Variants in BRINP1 observed in about 807,000 individuals in gnomAD.
BRINP1 encodes the protein BMP/retinoic acid inducible neural specific 1.
In BRINP1, 17 loss-of-function variants were observed where a neutral mutation model predicts 72.9. That is an observed-to-expected ratio of 0.23 (90% CI 0.16 to 0.35). The LOEUF (loss-of-function observed/expected upper bound fraction) is 0.35, where lower values mean the gene tolerates loss of function less well. Ranked by LOEUF, BRINP1 falls within the 10% of genes least tolerant of loss-of-function variation. The probability of loss-of-function intolerance (pLI) is 1.00; values close to 1 mark genes in which losing one functional copy is unlikely to be tolerated. For synonymous variants in BRINP1, 418 were observed against 378.5 expected (o/e 1.10, Z -1.21); for missense variants, 850 against 1,001.6 (o/e 0.85, Z 2.04).
At chr9:119,367,216 TG>T (rs1419757937) in intron 1 of BRINP1, among the ~76,000 whole-genome samples, 4 of 29,158 alleles carry the variant, frequency 1.4e-4, no homozygotes, top group Non-Finnish European at 1.6e-4. Context: ...TGTGTGTGTG[TG>T]ATTGATATAT....
intron 1 of BRINP1, among the ~76,000 whole-genome samples, chr9:119,365,702 G>T (rs772727522): frequency 6.6e-6 from 1 of 152,042 alleles, no homozygotes; most frequent in Non-Finnish European, 1.5e-5. Flanking sequence ...ATCAGGGGAG[G>T]GTGTTTTTAC....
At chr9:119,240,632 T>C (rs1234184843) in intron 4 of BRINP1, among the ~76,000 whole-genome samples, 1 of 152,152 alleles carries the variant, frequency 6.6e-6, no homozygotes, top group Admixed American at 6.5e-5. Flanking sequence ...CTGTGCTGAG[T>C]TCCCTAACAA....
intron 6 of BRINP1, among the ~76,000 whole-genome samples, chr9:119,212,063 C>T (rs1233373581): frequency 6.6e-6 from 1 of 152,032 alleles, no homozygotes; most frequent in Non-Finnish European, 1.5e-5. Flanking sequence ...TTATCAAATG[C>T]TTCCTTTGTT....
intron 1 of BRINP1, among the ~76,000 whole-genome samples, chr9:119,321,600 C>T (rs1024844394): frequency 6.6e-6 from 1 of 152,150 alleles, no homozygotes; most frequent in South Asian, 2.1e-4. Flanking sequence ...TCAGCCTCCC[C>T]ACTAGCTGGG....
intron 2 of BRINP1, among the ~76,000 whole-genome samples, chr9:119,309,557 T>A (rs1385242712): frequency 6.6e-6 from 1 of 152,176 alleles, no homozygotes; most frequent in East Asian, 1.9e-4. Context: ...GTTACTTTGT[T>A]AGAATGATGA....
At chr9:119,201,571 C>A (rs1461489794) in intron 7 of BRINP1, among the ~76,000 whole-genome samples, 1 of 152,188 alleles carries the variant, frequency 6.6e-6, no homozygotes, top group Non-Finnish European at 1.5e-5. Context: ...ACCTGTACCT[C>A]ACCTCTGCAA....
intron 1 of BRINP1, among the ~76,000 whole-genome samples, chr9:119,322,563 C>G (rs1831199315): frequency 6.6e-6 from 1 of 152,212 alleles, no homozygotes. Context: ...GCATGGATTG[C>G]TGGGCCATGA....
intron 2 of BRINP1, among the ~76,000 whole-genome samples, chr9:119,253,354 C>G (rs368168530): frequency 1.3e-5 from 2 of 152,230 alleles, no homozygotes; most frequent in African/African-American, 4.8e-5. Flanking sequence ...TGCAATCAAA[C>G]TAAGTGCCAA....
Position 119,276,484 on chromosome 9 carries a change from C to T in BRINP1, c.219-27334G>A, listed in dbSNP as rs558766690. Among the ~76,000 whole-genome samples, 3 of 152,190 alleles carry T rather than the reference C, an allele frequency of 2.0e-5. No homozygotes were observed. The East Asian group carries it at 5.8e-4, about 29-fold the overall frequency. Reference sequence around the variant, plus strand: ...TTTTAACAAAATCTCCTTATAGAACCTTTAACATCAATACAATTAGTTGTT... The same window carrying T: ...TTTTAACAAAATCTCCTTATAGAACTTTTAACATCAATACAATTAGTTGTT... On this transcript the variant is annotated intron_variant, in intron 2 of 7. Transcript: ENST00000265922.
At chr9:119,236,913 C>T (rs1205833887) in intron 5 of BRINP1, among the ~76,000 whole-genome samples, 1 of 152,148 alleles carries the variant, frequency 6.6e-6, no homozygotes, top group South Asian at 2.1e-4. Context: ...TAATAGTAAA[C>T]CACTTTCTTG....
In BRINP1 at chr9:119,249,161, G is replaced by C; in HGVS notation, c.219-11C>G. 1 of 1,610,466 alleles carries C rather than the reference G, an allele frequency of 6.2e-7. No homozygotes were observed. ...CAACGGGCAAACTCCCTGGGCAGGA[G>C]AAATGAGCAACACTTCTCAACTTAC... On this transcript the variant is annotated splice_polypyrimidine_tract_variant and intron_variant, in intron 2 of 7. Transcript: ENST00000265922.
At chr9:119,365,846 C>A (rs1014074573) in intron 1 of BRINP1, among the ~76,000 whole-genome samples, 1 of 152,016 alleles carries the variant, frequency 6.6e-6, no homozygotes, top group African/African-American at 2.4e-5. Context: ...CACAGCTCCC[C>A]CTTCTGGGAG....
At chr9:119,324,641 T>G (rs1200720195) in intron 1 of BRINP1, among the ~76,000 whole-genome samples, 4 of 152,196 alleles carry the variant, frequency 2.6e-5, no homozygotes, top group South Asian at 2.1e-4. Context: ...CTGCTATCAT[T>G]AATGCTGACC....
At chr9:119,325,107 A>C (rs1831226454) in intron 1 of BRINP1, among the ~76,000 whole-genome samples, 1 of 151,546 alleles carries the variant, frequency 6.6e-6, no homozygotes, top group Admixed American at 6.6e-5. Flanking sequence ...TCAAAAGGAA[A>C]GAAAGAAAGA....
intron 2 of BRINP1, among the ~76,000 whole-genome samples, chr9:119,300,497 G>A (rs1430449724): frequency 1.3e-5 from 2 of 151,876 alleles, no homozygotes; most frequent in Admixed American, 6.6e-5. Flanking sequence ...GTATATACAC[G>A]ACTATGTACA....
At chr9:119,309,262 AC>A (rs1327468588) in intron 2 of BRINP1, among the ~76,000 whole-genome samples, 1 of 152,180 alleles carries the variant, frequency 6.6e-6, no homozygotes, top group Admixed American at 6.5e-5. Context: ...AGCGGTTGAA[AC>A]TTGCCCATGG....
At chr9:119,300,430 CT>C (rs928518064) in intron 2 of BRINP1, among the ~76,000 whole-genome samples, 44 of 152,258 alleles carry the variant, frequency 2.9e-4, no homozygotes, top group African/African-American at 1.0e-3. Context: ...CCCATTTACC[CT>C]GATGTGATTA....
At chr9:119,193,758 C>T (rs1414877005) in intron 7 of BRINP1, among the ~76,000 whole-genome samples, 2 of 152,188 alleles carry the variant, frequency 1.3e-5, no homozygotes, top group Admixed American at 1.3e-4. Context: ...AAAACCTACT[C>T]TATGTATCCA....
chr9:119,257,344 C>T (rs1297394022), intron 2 of BRINP1, among the ~76,000 whole-genome samples: 1 of 152,158 alleles, frequency 6.6e-6, no homozygotes, highest in Non-Finnish European at 1.5e-5. Context: ...AAGCACTATT[C>T]ATACACGATT....
Sources: allele counts gnomAD v4.1 joint callset (sites outside exome capture counted in the v4.1 genomes callset), GRCh38; gene constraint gnomAD v4.1.1; transcripts MANE v1.5; gene names NCBI Gene and HGNC (gene_info 2026-07-23, HGNC 2026-07-21).